The following FANCC variants were observed in gnomAD, a reference collection of about 807,000 sequenced individuals.
The protein encoded by FANCC is Fanconi anemia group C protein.
A neutral mutation model predicts 71.3 loss-of-function variants in FANCC; 55 were observed. That is an observed-to-expected ratio of 0.77 (90% CI 0.62 to 0.97). The LOEUF (loss-of-function observed/expected upper bound fraction) is 0.97, where lower values mean the gene tolerates loss of function less well. Among genes scored for constraint, FANCC ranks in the 50% least tolerant of loss-of-function variants. The pLI, the probability that FANCC is intolerant of heterozygous loss-of-function variation, is 0.00. For synonymous variants in FANCC, 275 were observed against 244.9 expected, an observed-to-expected ratio of 1.12 and a Z score of -1.15; for missense variants, 678 against 670.9, an observed-to-expected ratio of 1.01 and a Z score of -0.12.
At chr9:95,179,216 C>A (rs1826192340) in intron 4 of FANCC, among the ~76,000 whole-genome samples, 1 of 152,090 alleles carries the variant, frequency 6.6e-6, no homozygotes, top group Non-Finnish European at 1.5e-5. Context: ...ATAAAAGAGA[C>A]CTTGTAGTTA....
intron 4 of FANCC, among the ~76,000 whole-genome samples, chr9:95,224,382 TC>T (rs901131103): frequency 6.6e-6 from 1 of 152,154 alleles, no homozygotes; most frequent in Non-Finnish European, 1.5e-5. Flanking sequence ...TTAAGTTCTC[TC>T]ACCTATAAAC....
At chr9:95,188,248 C>A (rs1183501269) in intron 4 of FANCC, among the ~76,000 whole-genome samples, 1 of 152,210 alleles carries the variant, frequency 6.6e-6, no homozygotes, top group South Asian at 2.1e-4. Context: ...GCAATCTTCA[C>A]TGTCTCTTCC....
intron 1 of FANCC, among the ~76,000 whole-genome samples, chr9:95,295,241 GAAGAGACA>G (rs1442524643): frequency 6.6e-6 from 1 of 152,166 alleles, no homozygotes; most frequent in Non-Finnish European, 1.5e-5. Flanking sequence ...ATAACAGCGT[GAAGAGACA>G]ACCTACAGAA....
chr9:95,208,087 T>A, intron 4 of FANCC, among the ~76,000 whole-genome samples: 2 of 121,940 alleles, frequency 1.6e-5, no homozygotes, highest in Admixed American at 1.7e-4. Context: ...CTTTTTTTTT[T>A]TTTTTTTTTT....
intron 7 of FANCC, among the ~76,000 whole-genome samples, chr9:95,146,092 T>C (rs1829503381): frequency 6.6e-6 from 1 of 152,168 alleles, no homozygotes; most frequent in African/African-American, 2.4e-5. Context: ...AATTTTAAGA[T>C]GTAATAATGG....
intron 4 of FANCC, among the ~76,000 whole-genome samples, chr9:95,228,151 G>A (rs1272036248): frequency 6.6e-6 from 1 of 152,136 alleles, no homozygotes; most frequent in Non-Finnish European, 1.5e-5. Flanking sequence ...AGGCACTCAG[G>A]ATACAATTGT....
Position 95,163,399 on chromosome 9 carries a change from T to C in FANCC, c.521+7680A>G, listed in dbSNP as rs557192523. Among the ~76,000 whole-genome samples, 6 of 152,376 alleles carry C rather than the reference T, an allele frequency of 3.9e-5. No individual in the cohort carries two copies. In the East Asian group the frequency reaches 7.7e-4, roughly 20 times the overall value. ...TCCACCTTGTTTTTCTTTCTCAAAA[T>C]TGTTTTGGTTACTTGGGGTACTTTG... On this transcript the variant is annotated intron_variant, in intron 6 of 14. Coordinates refer to ENST00000289081, the MANE Select transcript of FANCC (RefSeq NM_000136.3).
chr9:95,206,835 G>T (rs531343471), intron 4 of FANCC, among the ~76,000 whole-genome samples: 240 of 152,206 alleles, frequency 1.6e-3, no homozygotes, highest in Non-Finnish European at 2.7e-3. Flanking sequence ...ACAAAAATTT[G>T]CTTTCCATTC....
chr9:95,289,735 T>C (rs1031304452), intron 1 of FANCC, among the ~76,000 whole-genome samples: 1 of 152,170 alleles, frequency 6.6e-6, no homozygotes, highest in African/African-American at 2.4e-5. Flanking sequence ...ACTACAGCCT[T>C]GACCTCCAAG....
chr9:95,164,599 T>C (rs989138146), intron 6 of FANCC, among the ~76,000 whole-genome samples: 5 of 152,204 alleles, frequency 3.3e-5, no homozygotes, highest in African/African-American at 1.2e-4. Context: ...TGGTGCAATA[T>C]AGTGATTTTT....
chr9:95,126,557 T>C lies in FANCC; in HGVS notation c.868A>G (p.Ile290Val). 3.7e-6 allele frequency: 6 copies of C among 1,614,040 alleles called. No individual in the cohort carries two copies. The highest frequency in any genetic ancestry group is 2.2e-5 in the East Asian group (1 of 44,876). Residue 290 changes from isoleucine (I) to valine (V), a missense_variant, in exon 9 of 15, where the codon ATA (isoleucine) becomes GTA (valine). Physicochemically the swap from Ile to Val is conservative, Grantham distance 29. Coordinates refer to ENST00000289081, the MANE Select transcript of FANCC (RefSeq NM_000136.3). ...SLPQAACHPAIFRVVDEMFRC... is the reference protein window; with the variant it reads ...SLPQAACHPAVFRVVDEMFRC... ...AACATCTCATCAACAACCCGGAATA[T>C]GGCAGGGTGGCAGGCTGCTTGAGGC... is the stretch of plus-strand genomic sequence containing the variant.
intron 1 of FANCC, among the ~76,000 whole-genome samples, chr9:95,304,884 C>A (rs1450618866): frequency 6.6e-6 from 1 of 150,906 alleles, no homozygotes; most frequent in Non-Finnish European, 1.5e-5. Flanking sequence ...ATCACCATAT[C>A]AACTATGTGC....
intron 4 of FANCC, among the ~76,000 whole-genome samples, chr9:95,221,704 A>C (rs1043675080): frequency 6.6e-6 from 1 of 152,218 alleles, no homozygotes; most frequent in East Asian, 1.9e-4. Flanking sequence ...ATATTTTTTA[A>C]TGGGCAAAAT....
At position 95,294,568 on chromosome 9, in the gene FANCC, G is replaced by A. The variant is rs1338027831; in HGVS notation, c.-79+22958C>T. ...ATCTGACACAGAGACACAAACTGAA[G>A]GAATCTCCACTGTTAAAGATATACC... On this transcript the variant is annotated intron_variant, in intron 1 of 14. Coordinates refer to ENST00000289081, the MANE Select transcript of FANCC (RefSeq NM_000136.3). The A allele has an allele frequency of 2.0e-6, 3 of 1,538,214 alleles. No homozygotes were observed. The African/African-American group carries it at 4.1e-5, about 21-fold the overall frequency.
At chr9:95,315,623 T>C (rs1835693639) in intron 1 of FANCC, among the ~76,000 whole-genome samples, 1 of 152,210 alleles carries the variant, frequency 6.6e-6, no homozygotes, top group African/African-American at 2.4e-5. Flanking sequence ...TCACATTAAG[T>C]CAATCACTCA....
At chr9:95,216,091 G>A (rs760897987) in intron 4 of FANCC, among the ~76,000 whole-genome samples, 5 of 152,036 alleles carry the variant, frequency 3.3e-5, no homozygotes, top group South Asian at 2.1e-4. Context: ...AAAACTATAC[G>A]CTACCTATGA....
intron 4 of FANCC, among the ~76,000 whole-genome samples, chr9:95,228,212 C>T (rs9792415): frequency 2.0e-5 from 3 of 152,150 alleles, no homozygotes; most frequent in African/African-American, 4.8e-5. Flanking sequence ...GGAGCCAGGG[C>T]GGAAGCAGGG....
At chr9:95,210,895 A>G (rs1373644823) in intron 4 of FANCC, among the ~76,000 whole-genome samples, 2 of 152,210 alleles carry the variant, frequency 1.3e-5, no homozygotes, top group South Asian at 2.1e-4. Flanking sequence ...ACAGGTTACA[A>G]TAGATCTTTG....
At chr9:95,238,226 C>T (rs1455784149) in intron 4 of FANCC, among the ~76,000 whole-genome samples, 1 of 152,188 alleles carries the variant, frequency 6.6e-6, no homozygotes, top group East Asian at 1.9e-4. Flanking sequence ...TCACCTAAGG[C>T]TTCCACTATT....
Sources: allele counts gnomAD v4.1 joint callset (sites outside exome capture counted in the v4.1 genomes callset), GRCh38; gene constraint gnomAD v4.1.1; transcripts MANE v1.5; gene names NCBI Gene and HGNC (gene_info 2026-07-23, HGNC 2026-07-21).